The following SHCBP1 variants were observed in gnomAD, a reference collection of about 807,000 sequenced individuals.
SHCBP1 encodes the protein SHC binding and spindle associated 1, also known as SHC SH2 domain-binding protein 1.
Under a neutral mutation model 75.1 loss-of-function variants are expected in SHCBP1, and 60 were observed. The observed-to-expected ratio is 0.80, with a 90% CI of 0.65 to 0.99. SHCBP1 has a LOEUF of 0.99. SHCBP1 is among the 50% of genes least tolerant of loss of function. The pLI, the probability that SHCBP1 is intolerant of heterozygous loss-of-function variation, is 0.00. For synonymous variants in SHCBP1, 290 were observed against 293.2 expected, an observed-to-expected ratio of 0.99 and a Z score of 0.11; for missense variants, 709 against 809.4, an observed-to-expected ratio of 0.88 and a Z score of 1.50.
At chr16:46,591,698 T>C (rs908164556) in intron 10 of SHCBP1, among the ~76,000 whole-genome samples, 1 of 152,152 alleles carries the variant, frequency 6.6e-6, no homozygotes, top group South Asian at 2.1e-4. Context: ...GACAGCGGAA[T>C]ACACATTCTT....
In SHCBP1 at chr16:46,595,620, T is replaced by A; in HGVS notation, c.1396A>T (p.Thr466Ser). 1.9e-6 allele frequency: 3 copies of A among 1,614,172 alleles called. No individual in the cohort carries two copies. The highest frequency in any genetic ancestry group is 2.5e-6 in the Non-Finnish European group (3 of 1,180,026). Reference protein sequence around the residue: ...TLENCVLQCETTGVTVRTSAE... With the variant: ...TLENCVLQCESTGVTVRTSAE... ...GATGTCCGCACTGTGACTCCGGTCGTCTCACACTGCAGCACACAGTTTTCC... is the reference window on the plus strand; with the variant it reads ...GATGTCCGCACTGTGACTCCGGTCGACTCACACTGCAGCACACAGTTTTCC... The change falls in exon 10 of 13, where the codon ACG becomes TCG. Residue 466 changes from threonine (T) to serine (S), a missense_variant. Coordinates refer to ENST00000303383, the MANE Select transcript of SHCBP1 (RefSeq NM_024745.5).
intron 9 of SHCBP1, among the ~76,000 whole-genome samples, chr16:46,599,017 C>T: frequency 6.6e-6 from 1 of 152,202 alleles, no homozygotes; most frequent in East Asian, 1.9e-4. Flanking sequence ...AGTTAGGGTT[C>T]TGCTCTGCAA....
chr16:46,603,835 G>A (rs1965281308), intron 7 of SHCBP1, 140 bp downstream of exon 7: 13 of 1,277,576 alleles, frequency 1.0e-5, no homozygotes, highest in South Asian at 1.5e-5. Flanking sequence ...TACTGCTGAT[G>A]AAAGGCAGGG....
intron 9 of SHCBP1, among the ~76,000 whole-genome samples, chr16:46,597,085 TC>T (rs1023598483): frequency 6.6e-6 from 1 of 152,146 alleles, no homozygotes; most frequent in Non-Finnish European, 1.5e-5. Flanking sequence ...CAGGTTGAGT[TC>T]CAAACCACCA....
chr16:46,597,993 G>A (rs1965169906), intron 9 of SHCBP1, among the ~76,000 whole-genome samples: 1 of 152,150 alleles, frequency 6.6e-6, no homozygotes, highest in African/African-American at 2.4e-5. Context: ...TTATAAGATT[G>A]TAGCAATTCA....
chr16:46,583,213 C>G (rs542923320), intron 12 of SHCBP1, among the ~76,000 whole-genome samples: 2 of 152,168 alleles, frequency 1.3e-5, no homozygotes, highest in Non-Finnish European at 2.9e-5. Flanking sequence ...CCCACCATTG[C>G]TATCACACAC....
chr16:46,586,472 A>G (rs780022059), intron 10 of SHCBP1, among the ~76,000 whole-genome samples: 1 of 152,172 alleles, frequency 6.6e-6, no homozygotes, highest in Non-Finnish European at 1.5e-5. Context: ...CTGCTGGAAT[A>G]TAACAAAAGA....
chr16:46,603,906 G>C, intron 7 of SHCBP1, 69 bp downstream of exon 7: 5 of 1,531,150 alleles, frequency 3.3e-6, no homozygotes, highest in Non-Finnish European at 2.6e-6. Flanking sequence ...ATACTTTGTG[G>C]GATTTGTGAA....
rs574239996 is a variant in SHCBP1, at chr16:46,619,583, GATTA to G, written c.104-1215_104-1212del. Among the ~76,000 whole-genome samples the G allele has an allele frequency of 2.0e-3, 307 of 152,284 alleles. 5 individuals carry two copies. The highest frequency in any genetic ancestry group is 4.6e-3 in the Admixed American group (70 of 15,304). On this transcript the variant is annotated intron_variant, in intron 1 of 12. Transcript: ENST00000303383. ...ATAGTACATCCACTTCAATTAAGAAGATTAATTGTTAATAATTTACAACAGTGCC... is the reference window on the plus strand; with the variant it reads ...ATAGTACATCCACTTCAATTAAGAAGATTGTTAATAATTTACAACAGTGCC...
At chr16:46,621,080 C>T (rs1180589362) in intron 1 of SHCBP1, among the ~76,000 whole-genome samples, 177 bp downstream of exon 1, 2 of 152,226 alleles carry the variant, frequency 1.3e-5, no homozygotes, top group Admixed American at 1.3e-4. Context: ...GAGTCCCCCA[C>T]CCCTGGGTAC....
At position 46,581,984 on chromosome 16, in the gene SHCBP1, C is replaced by T; in HGVS notation, c.1764G>A (p.Leu588=). The change falls in exon 13 of 13, where the codon CTG becomes CTA. Residue 588 remains leucine (L), a synonymous_variant. Transcript: ENST00000303383. ...CCATTTTACCAGTTGCACACTCAAT[C>T]AGCTCTTCTAGATCCACTCTTTCAG... is the stretch of plus-strand genomic sequence containing the variant. ...DVAERVDLEE[L]IECATGKMEL... 6.2e-7 allele frequency: 1 copy of T among 1,614,202 alleles called. No individual in the cohort carries two copies. The highest frequency in any genetic ancestry group is 8.5e-7 in the Non-Finnish European group (1 of 1,180,032).
In SHCBP1 at chr16:46,616,681, T is replaced by C. The variant is rs1193403916; in HGVS notation, c.388-527A>G. ...AGGAGCTTGGATTTTAAGTGTTTTCTATACAATGAGAAGCCATAAAGCCAA... is the reference window on the plus strand; with the variant it reads ...AGGAGCTTGGATTTTAAGTGTTTTCCATACAATGAGAAGCCATAAAGCCAA... On this transcript the variant is annotated intron_variant, in intron 3 of 12. Transcript: ENST00000303383. The surrounding 1 kb of genome is among the most constrained non-coding windows in gnomAD (Gnocchi z 4.4). Among the ~76,000 whole-genome samples, 1 of 152,178 alleles carries C rather than the reference T, an allele frequency of 6.6e-6. No homozygotes were observed. The highest frequency in any genetic ancestry group is 1.5e-5 in the Non-Finnish European group (1 of 68,034).
chr16:46,583,638 TA>T lies in SHCBP1; in HGVS notation c.1570del (p.Tyr524MetfsTer9), dbSNP rs774151627. On this transcript the variant is annotated frameshift_variant, in exon 12 of 13. Coordinates refer to ENST00000303383, the MANE Select transcript of SHCBP1 (RefSeq NM_024745.5). LOFTEE classifies it high-confidence loss of function. ...CACCATGGATATCTTGGGAATGTCA[TA>T]ATGTTCATCTAAGAAGTCCTGTGAC... is the stretch of plus-strand genomic sequence containing the variant. Reference protein sequence around the residue: ...ILIKDFLDEHYDIPKISMVNN... With the variant: ...ILIKDFLDEHXDIPKISMVNN... 14 of 1,605,552 alleles carry T rather than the reference TA, an allele frequency of 8.7e-6. No homozygotes were observed. Among genetic ancestry groups the T allele is most frequent in the Non-Finnish European group, 1.1e-5 (13 of 1,178,262 alleles).
At chr16:46,605,716 G>A (rs566524320) in intron 5 of SHCBP1, among the ~76,000 whole-genome samples, 5 of 152,108 alleles carry the variant, frequency 3.3e-5, no homozygotes, top group Admixed American at 6.5e-5. Flanking sequence ...AGCCAAGAGT[G>A]AGAACGATTG....
chr16:46,604,274 C>G lies in SHCBP1; in HGVS notation c.877G>C (p.Glu293Gln), dbSNP rs201494848. 1 of 1,614,224 alleles carries G rather than the reference C, an allele frequency of 6.2e-7. No individual in the cohort carries two copies. The highest frequency in any genetic ancestry group is 1.7e-5 in the Admixed American group (1 of 60,026). ...VEGLKLYSEM[E>Q]QLKQKLKLIE... ...AGTTTCAGCTTTTGTTTCAACTGTTCCATCTCCGAATACAATTTTAACCCT... is the reference window on the plus strand; with the variant it reads ...AGTTTCAGCTTTTGTTTCAACTGTTGCATCTCCGAATACAATTTTAACCCT... Residue 293 changes from glutamate (E) to glutamine (Q), a missense_variant, in exon 6 of 13, where the codon GAA becomes CAA. Coordinates refer to ENST00000303383, the MANE Select transcript of SHCBP1 (RefSeq NM_024745.5).
rs554722005 is a variant in SHCBP1 at position 46,618,374 on chromosome 16, T to TA, written c.104-3dup. ...ATGAATCTTCATCTTGGAACAAACC[T>TA]AAAAAAAAAAAGCAAAAATAAGCAA... On this transcript the variant is annotated splice_polypyrimidine_tract_variant and splice_region_variant and intron_variant, in intron 1 of 12. Transcript: ENST00000303383. 13,925 of 1,101,504 alleles carry TA rather than the reference T, an allele frequency of 0.013. No homozygotes were observed. Among genetic ancestry groups the TA allele is most frequent in the South Asian group, 0.027 (1,637 of 60,866 alleles). The allele number at this position is 1,101,504 out of a possible 1,614,324, so 68.2% of individuals were successfully genotyped here.
At chr16:46,593,703 C>A (rs1965087164) in intron 10 of SHCBP1, among the ~76,000 whole-genome samples, 1 of 150,000 alleles carries the variant, frequency 6.7e-6, no homozygotes. Context: ...CATGCCACCG[C>A]ATTCCAGCCT....
chr16:46,583,953 G>GTTT, intron 11 of SHCBP1, 50 bp downstream of exon 11: 1 of 1,474,074 alleles, frequency 6.8e-7, no homozygotes, highest in Non-Finnish European at 9.3e-7. Context: ...ATAATTTGTA[G>GTTT]GTAAAACCAT....
chr16:46,603,706 G>GTAA (rs770375561), intron 7 of SHCBP1, 47 bp from the exon 8 acceptor site: 17 of 1,608,302 alleles, frequency 1.1e-5, no homozygotes, highest in Non-Finnish European at 1.4e-5. Context: ...TCCCAAAAAA[G>GTAA]TAATTTGAGT....
Sources: allele counts gnomAD v4.1 joint callset (sites outside exome capture counted in the v4.1 genomes callset), GRCh38; gene constraint gnomAD v4.1.1; non-coding constraint Gnocchi (gnomAD v3.1); transcripts MANE v1.5; gene names NCBI Gene and HGNC (gene_info 2026-07-23, HGNC 2026-07-21).